Variants in LHFPL6 observed in about 807,000 individuals in gnomAD.
LHFPL6 encodes the protein LHFPL tetraspan subfamily member 6 protein.
Under a neutral mutation model 20.6 loss-of-function variants are expected in LHFPL6, and 9 were observed. The ratio of observed to expected loss-of-function variants is 0.44; its 90% CI spans 0.26 to 0.76. The LOEUF (loss-of-function observed/expected upper bound fraction) is 0.76, where lower values mean the gene tolerates loss of function less well. Among genes scored for constraint, LHFPL6 ranks in the 30% least tolerant of loss-of-function variants. LHFPL6 has a pLI of 0.20. For synonymous variants in LHFPL6, 105 were observed against 98.7 expected (o/e 1.06, Z -0.38); for missense variants, 218 against 253.5 (o/e 0.86, Z 0.95).
At chr13:39,596,701 A>G (rs1254792581) in intron 2 of LHFPL6, among the ~76,000 whole-genome samples, 1 of 152,108 alleles carries the variant, frequency 6.6e-6, no homozygotes, top group African/African-American at 2.4e-5. Context: ...TGACCTAAGA[A>G]GAAGTCTCTA....
chr13:39,529,779 G>A (rs1870406860), intron 2 of LHFPL6, among the ~76,000 whole-genome samples: 1 of 152,166 alleles, frequency 6.6e-6, no homozygotes, highest in South Asian at 2.1e-4. Context: ...TTACTGAGCT[G>A]TTTGTTGGGA....
At chr13:39,481,196 C>T (rs1047470761) in intron 2 of LHFPL6, among the ~76,000 whole-genome samples, 12 of 152,068 alleles carry the variant, frequency 7.9e-5, no homozygotes, top group Non-Finnish European at 1.8e-4. Flanking sequence ...ATTGAAAAAA[C>T]ATCAGGCAAT....
intron 2 of LHFPL6, among the ~76,000 whole-genome samples, chr13:39,599,808 T>C (rs2138556535): frequency 6.6e-6 from 1 of 152,374 alleles, no homozygotes. Flanking sequence ...ACTACTCATT[T>C]TTAATTCATT....
At chr13:39,570,882 T>C (rs917439107) in intron 2 of LHFPL6, among the ~76,000 whole-genome samples, 2 of 152,196 alleles carry the variant, frequency 1.3e-5, no homozygotes, top group African/African-American at 4.8e-5. Flanking sequence ...AGATGAATGT[T>C]CAAAGTAAGA....
At chr13:39,596,657 A>T (rs1026948483) in intron 2 of LHFPL6, among the ~76,000 whole-genome samples, 10 of 2,852 alleles carry the variant, frequency 3.5e-3, no homozygotes, top group South Asian at 0.02. Flanking sequence ...GCATAATTTA[A>T]AAAAAAAAAA....
At chr13:39,570,266 G>T (rs1458427738) in intron 2 of LHFPL6, among the ~76,000 whole-genome samples, 6 of 152,050 alleles carry the variant, frequency 3.9e-5, no homozygotes, top group Non-Finnish European at 2.9e-5. Context: ...TCAGCCTCCT[G>T]AATAGCCAGG....
intron 2 of LHFPL6, among the ~76,000 whole-genome samples, chr13:39,567,038 T>C (rs9603566): frequency 2.7e-5 from 4 of 150,164 alleles, no homozygotes; most frequent in Non-Finnish European, 4.4e-5. Context: ...GGTTTTTTTT[T>C]TTTTTTCATT....
At chr13:39,569,148 T>TGGATGGACGGACGGACGGACGGAC (rs71080313) in intron 2 of LHFPL6, among the ~76,000 whole-genome samples, 5,038 of 144,308 alleles carry the variant, frequency 0.035, 201 homozygotes, top group East Asian at 0.11. Flanking sequence ...GATGGATGGA[T>TGGATGGACGGACGGACGGACGGAC]GGACGGACGG....
intron 2 of LHFPL6, among the ~76,000 whole-genome samples, chr13:39,496,921 G>A (rs922529251): frequency 9.9e-5 from 15 of 152,160 alleles, no homozygotes; most frequent in Non-Finnish European, 2.2e-4. Flanking sequence ...CATCTCTGAT[G>A]TGCAGGCTGC....
chr13:39,422,287 T>C (rs1273679349), intron 2 of LHFPL6, among the ~76,000 whole-genome samples: 1 of 152,122 alleles, frequency 6.6e-6, no homozygotes, highest in Non-Finnish European at 1.5e-5. Context: ...ATAATTATGC[T>C]GGTGCAGTTA....
intron 2 of LHFPL6, among the ~76,000 whole-genome samples, chr13:39,471,999 T>A (rs950790281): frequency 6.6e-6 from 1 of 152,224 alleles, no homozygotes; most frequent in African/African-American, 2.4e-5. Flanking sequence ...TTCTATCTGT[T>A]ATCACAGGAA....
At chr13:39,575,749 G>C (rs1485418615) in intron 2 of LHFPL6, among the ~76,000 whole-genome samples, 1 of 152,144 alleles carries the variant, frequency 6.6e-6, no homozygotes, top group Non-Finnish European at 1.5e-5. Flanking sequence ...CCGCTGTGGG[G>C]TCCGGTTCGC....
At chr13:39,488,235 G>T (rs1268139753) in intron 2 of LHFPL6, among the ~76,000 whole-genome samples, 2 of 152,182 alleles carry the variant, frequency 1.3e-5, no homozygotes, top group Non-Finnish European at 2.9e-5. Context: ...CTTGATCTGG[G>T]AATTCCCAGC....
chr13:39,485,009 A>G (rs941834341), intron 2 of LHFPL6, among the ~76,000 whole-genome samples: 4 of 152,156 alleles, frequency 2.6e-5, no homozygotes, highest in African/African-American at 9.7e-5. Flanking sequence ...CATCTATAGA[A>G]GATTCTCATT....
In LHFPL6 at chr13:39,395,044, G is replaced by A. The variant is rs569080008; in HGVS notation, c.386-16518C>T. Among the ~76,000 whole-genome samples the A allele has an allele frequency of 3.3e-5, 5 of 152,164 alleles. No homozygotes were observed. The South Asian group carries it at 6.2e-4, about 19-fold the overall frequency. ...ACTCCCCACTGCTCCTTCCCACGGG[G>A]CTCCAAACAGAAGTGTCCAGAGGTG... On this transcript the variant is annotated intron_variant, in intron 2 of 3. Coordinates refer to ENST00000379589, the MANE Select transcript of LHFPL6 (RefSeq NM_005780.3).
intron 2 of LHFPL6, among the ~76,000 whole-genome samples, chr13:39,440,140 T>G (rs991523910): frequency 6.6e-6 from 1 of 152,208 alleles, no homozygotes; most frequent in Non-Finnish European, 1.5e-5. Flanking sequence ...GTAGCTCAGA[T>G]GAGCAGAAGA....
intron 2 of LHFPL6, among the ~76,000 whole-genome samples, chr13:39,440,509 G>C (rs976926768): frequency 4.6e-5 from 7 of 152,156 alleles, no homozygotes; most frequent in South Asian, 4.2e-4. Flanking sequence ...AGAAAACAGA[G>C]AGCAAATACA....
intron 2 of LHFPL6, among the ~76,000 whole-genome samples, chr13:39,591,794 C>T (rs189850678): frequency 8.9e-4 from 135 of 152,188 alleles, no homozygotes; most frequent in African/African-American, 3.0e-3. Context: ...TACTAGAAAG[C>T]TAAAAGAATA....
intron 2 of LHFPL6, among the ~76,000 whole-genome samples, chr13:39,405,870 G>C (rs577376680): frequency 1.3e-5 from 2 of 152,202 alleles, no homozygotes; most frequent in African/African-American, 4.8e-5. Flanking sequence ...CGAGTTGCTC[G>C]AGGGCAGAGA....
Sources: allele counts gnomAD v4.1 joint callset (sites outside exome capture counted in the v4.1 genomes callset), GRCh38; gene constraint gnomAD v4.1.1; transcripts MANE v1.5; gene names NCBI Gene and HGNC (gene_info 2026-07-23, HGNC 2026-07-21).